The following LONP2 variants were observed in gnomAD, a reference collection of about 807,000 sequenced individuals.
LONP2 encodes lon peptidase 2, peroxisomal, also known as lon protease homolog 2, peroxisomal.
In LONP2, 60 loss-of-function variants were observed where a neutral mutation model predicts 85.6. The observed-to-expected ratio is 0.70, with a 90% CI of 0.57 to 0.87. The LOEUF (loss-of-function observed/expected upper bound fraction) is 0.87. Ranked by LOEUF, LONP2 falls within the 40% of genes least tolerant of loss-of-function variation. The pLI, the probability that LONP2 is intolerant of heterozygous loss-of-function variation, is 0.00. For missense variants in LONP2, 860 were observed against 1,063.5 expected (o/e 0.81, Z 2.66); for synonymous variants, 395 against 389.7 (o/e 1.01, Z -0.16).
intron 1 of LONP2, among the ~76,000 whole-genome samples, chr16:48,245,039 C>G (rs184647001): frequency 4.1e-4 from 63 of 152,244 alleles, no homozygotes; most frequent in African/African-American, 1.4e-3. Context: ...TCCTATCCGC[C>G]TCCCCTTTTC....
chr16:48,338,635 C>T lies in LONP2; in HGVS notation c.1938+4277C>T, dbSNP rs142601468. Among the ~76,000 whole-genome samples the T allele has an allele frequency of 1.8e-4, 28 of 152,134 alleles. No homozygotes were observed. The East Asian group carries it at 4.6e-3, about 25-fold the overall frequency. On this transcript the variant is annotated intron_variant, in intron 12 of 14. Transcript: ENST00000285737. ...ACAGTTGAAATATCCAGGCTGGGCG[C>T]GGTGGCTCATGCCTGTAATCCCAGC...
chr16:48,336,039 A>T (rs146733091), intron 12 of LONP2, among the ~76,000 whole-genome samples: 102 of 152,336 alleles, frequency 6.7e-4, no homozygotes, highest in Non-Finnish European at 7.8e-4. Flanking sequence ...TGCATGGCCG[A>T]TGACCTTTTT....
chr16:48,248,610 G>A (rs374194438), intron 1 of LONP2, among the ~76,000 whole-genome samples: 159 of 152,238 alleles, frequency 1.0e-3, no homozygotes, highest in African/African-American at 3.6e-3. Flanking sequence ...TTAAAGAGAG[G>A]AGTGGGGAGG....
intron 12 of LONP2, among the ~76,000 whole-genome samples, chr16:48,337,033 T>C (rs1219978181): frequency 1.3e-5 from 2 of 152,226 alleles, no homozygotes; most frequent in Non-Finnish European, 2.9e-5. Context: ...GGAACATTTC[T>C]TTCTTGTCCG....
At chr16:48,361,437 A>G (rs1363721829), downstream of LONP2, 5 of 744,048 alleles carry the variant, frequency 6.7e-6, no homozygotes, top group Non-Finnish European at 1.1e-5. Context: ...TGTTTCCTGT[A>G]TTTAACAGCC....
intron 6 of LONP2, among the ~76,000 whole-genome samples, chr16:48,267,626 C>T (rs111452928): frequency 0.014 from 2,080 of 151,056 alleles, 46 homozygotes; most frequent in African/African-American, 0.048. Context: ...TTTGTTTGTT[C>T]GTTTTTTGAG....
At chr16:48,333,242 GGGTCCTGCTCCTTGTATGTCTA>G (rs1334724624) in intron 11 of LONP2, among the ~76,000 whole-genome samples, 1 of 152,122 alleles carries the variant, frequency 6.6e-6, no homozygotes, top group African/African-American at 2.4e-5. Flanking sequence ...TAAGTCAATT[GGGTCCTGCTCCTTGTATGTCTA>G]GGTCCAAACC....
intron 8 of LONP2, among the ~76,000 whole-genome samples, chr16:48,290,869 C>A (rs1972545765): frequency 6.6e-6 from 1 of 152,178 alleles, no homozygotes; most frequent in Admixed American, 6.5e-5. Flanking sequence ...GGGGAACTGA[C>A]AAGTCCTCAG....
At chr16:48,334,422 AG>A in intron 12 of LONP2, 64 bp downstream of exon 12, 1 of 1,591,604 alleles carries the variant, frequency 6.3e-7, no homozygotes, top group Non-Finnish European at 8.6e-7. Context: ...TTGAGGCCCC[AG>A]GGCCGTAGGG....
intron 12 of LONP2, among the ~76,000 whole-genome samples, chr16:48,335,214 G>A (rs1450985591): frequency 1.3e-5 from 2 of 152,160 alleles, no homozygotes; most frequent in Non-Finnish European, 2.9e-5. Flanking sequence ...AAGGGCTTGG[G>A]GGAAGAGGCG....
At chr16:48,324,699 T>C (rs973936298) in intron 11 of LONP2, among the ~76,000 whole-genome samples, 3 of 152,208 alleles carry the variant, frequency 2.0e-5, no homozygotes, top group Non-Finnish European at 2.9e-5. Context: ...CACAATTGAC[T>C]CTTTTGGTAA....
chr16:48,256,431 T>C (rs994449314), intron 2 of LONP2, among the ~76,000 whole-genome samples, 179 bp from the exon 3 acceptor site: 2 of 152,272 alleles, frequency 1.3e-5, no homozygotes, highest in African/African-American at 4.8e-5. Flanking sequence ...TTCTGATTGA[T>C]GTTTTGAAAG....
chr16:48,268,899 ATAAT>A (rs1216841227), intron 6 of LONP2, among the ~76,000 whole-genome samples: 2 of 152,024 alleles, frequency 1.3e-5, no homozygotes, highest in Non-Finnish European at 1.5e-5. Context: ...CAAATTCTAA[ATAAT>A]TAATTAAAAG....
At chr16:48,346,048 A>G (rs1959953827) in intron 12 of LONP2, 2 of 147,886 alleles carry the variant, frequency 1.4e-5, no homozygotes, top group African/African-American at 5.2e-5. Context: ...ATGTCTCAAA[A>G]AAAAAAAAAA....
rs1597012369 is a variant in LONP2, at chr16:48,356,491, A to G, written c.*4689A>G. 6.4e-6 allele frequency: 1 copy of G among 156,908 alleles called. No homozygotes were observed. The highest frequency in any genetic ancestry group is 1.8e-4 in the East Asian group (1 of 5,510). The allele number at this position is 156,908 out of a possible 1,614,324, so 9.7% of individuals were successfully genotyped here. A position where few individuals can be genotyped will look rare whatever the true frequency, so the allele number is the denominator to read the frequency against. On this transcript the variant is annotated 3_prime_UTR_variant, in exon 15 of 15. Coordinates refer to ENST00000285737, the MANE Select transcript of LONP2 (RefSeq NM_031490.5). ...TTGAAGTACTTCAGTTCCTATTGCCATGAAAATTGTATCCAGCAGCTAAAA... is the reference window on the plus strand; with the variant it reads ...TTGAAGTACTTCAGTTCCTATTGCCGTGAAAATTGTATCCAGCAGCTAAAA...
chr16:48,262,728 G>T, intron 5 of LONP2, 50 bp from the exon 6 acceptor site: 2 of 1,193,166 alleles, frequency 1.7e-6, no homozygotes, highest in South Asian at 1.4e-5. Context: ...TTCTGTTATG[G>T]AATTTTTCTG....
intron 3 of LONP2, 140 bp from the exon 4 acceptor site, chr16:48,258,478 G>T: frequency 3.2e-6 from 2 of 623,140 alleles, no homozygotes; most frequent in South Asian, 4.5e-5. Flanking sequence ...AGTTCATTTG[G>T]TTGTCTTAGC....
At chr16:48,330,248 T>G (rs1959395662) in intron 11 of LONP2, among the ~76,000 whole-genome samples, 1 of 152,264 alleles carries the variant, frequency 6.6e-6, no homozygotes, top group Non-Finnish European at 1.5e-5. Flanking sequence ...GAACCACTAT[T>G]TTAGTCCAAA....
At chr16:48,256,915 CA>C (rs1387126144) in intron 3 of LONP2, among the ~76,000 whole-genome samples, 174 bp downstream of exon 3, 5 of 148,554 alleles carry the variant, frequency 3.4e-5, no homozygotes, top group Non-Finnish European at 7.4e-5. Flanking sequence ...TTTGTTGACA[CA>C]AGCAGCTCTT....
Sources: gnomAD v4.1 joint callset for allele counts (sites outside exome capture counted in the v4.1 genomes callset) on GRCh38, gnomAD v4.1.1 for gene constraint, MANE v1.5 for transcripts, NCBI Gene and HGNC (gene_info 2026-07-23, HGNC 2026-07-21) for gene names.